Variants in SIPA1L2 observed in about 807,000 individuals in gnomAD.
The protein encoded by SIPA1L2 is signal induced proliferation associated 1 like 2.
SIPA1L2 carries 56 observed loss-of-function variants against 163.9 expected under a neutral mutation model. That is an observed-to-expected ratio of 0.34 (90% CI 0.28 to 0.43). The LOEUF is 0.43. Ranked by LOEUF, SIPA1L2 falls within the 20% of genes least tolerant of loss-of-function variation. The pLI, the probability that SIPA1L2 is intolerant of heterozygous loss-of-function variation, is 1.00. For synonymous variants in SIPA1L2, 877 were observed against 865.7 expected (o/e 1.01, Z -0.23); for missense variants, 1,974 against 2,193.5 (o/e 0.90, Z 2.00).
intron 15 of SIPA1L2, among the ~76,000 whole-genome samples, chr1:232,433,178 G>A (rs772767769): frequency 1.6e-4 from 25 of 152,136 alleles, no homozygotes; most frequent in Admixed American, 1.2e-3. Flanking sequence ...AAGGATATTC[G>A]ATTAATAACT....
chr1:232,562,054 C>T (rs796877), intron 2 of SIPA1L2, among the ~76,000 whole-genome samples: 22,389 of 152,132 alleles, frequency 0.15, 3,017 homozygotes, highest in East Asian at 0.55. Context: ...GTTGCTGAGA[C>T]CACCAACAAA....
intron 10 of SIPA1L2, among the ~76,000 whole-genome samples, chr1:232,449,962 G>C (rs1339353990): frequency 6.6e-6 from 1 of 152,194 alleles, no homozygotes; most frequent in Admixed American, 6.5e-5. Context: ...GCTTGGGACA[G>C]AGAAAGAGAA....
chr1:232,531,789 G>T (rs1656966493), intron 2 of SIPA1L2, among the ~76,000 whole-genome samples: 1 of 152,156 alleles, frequency 6.6e-6, no homozygotes, highest in African/African-American at 2.4e-5. Context: ...GCCGGTATGG[G>T]CGTTAACGGA....
rs745341274 is a variant in SIPA1L2 at position 232,445,561 on chromosome 1, G to A, written c.3321C>T (p.Thr1107=). 5 of 1,613,996 alleles carry A rather than the reference G, an allele frequency of 3.1e-6. No individual in the cohort carries two copies. The East Asian group carries it at 8.9e-5, about 29-fold the overall frequency. The change falls in exon 11 of 23, where the codon ACC becomes ACT. Residue 1107 remains threonine, a synonymous_variant. Transcript: ENST00000674635. ...QQAQAAIPRS[T]SFDRKLPDGT... Reference sequence around the variant, plus strand: ...CATCGGGCAGCTTCCGGTCGAAGGAGGTGCTTCGAGGAATGGCAGCCTGGG... The same window carrying A: ...CATCGGGCAGCTTCCGGTCGAAGGAAGTGCTTCGAGGAATGGCAGCCTGGG...
intron 18 of SIPA1L2, among the ~76,000 whole-genome samples, chr1:232,423,107 T>G (rs1473558857): frequency 6.6e-6 from 1 of 152,176 alleles, no homozygotes; most frequent in Non-Finnish European, 1.5e-5. Context: ...ACGCACGAGA[T>G]TCCATGGGTA....
intron 2 of SIPA1L2, among the ~76,000 whole-genome samples, chr1:232,538,835 C>G (rs757270692): frequency 9.2e-5 from 14 of 152,206 alleles, no homozygotes; most frequent in Non-Finnish European, 1.8e-4. Context: ...GGTGGGTGAG[C>G]TGACTCACCA....
At chr1:232,537,688 T>C (rs1261134599) in intron 2 of SIPA1L2, among the ~76,000 whole-genome samples, 2 of 152,198 alleles carry the variant, frequency 1.3e-5, no homozygotes, top group African/African-American at 4.8e-5. Flanking sequence ...TACTAGACCA[T>C]GTGTAGACAT....
At chr1:232,400,347 C>A (rs975348099) in intron 22 of SIPA1L2, among the ~76,000 whole-genome samples, 2 of 152,188 alleles carry the variant, frequency 1.3e-5, no homozygotes, top group Non-Finnish European at 2.9e-5. Context: ...CACATCCCTG[C>A]AAACCTTTTA....
chr1:232,563,965 G>A (rs1280076962), intron 2 of SIPA1L2, among the ~76,000 whole-genome samples: 1 of 125,060 alleles, frequency 8.0e-6, no homozygotes, highest in Non-Finnish European at 1.6e-5. Flanking sequence ...TCGTGTGTGT[G>A]TGTGTGTGTG....
rs191943346 is a variant in SIPA1L2, at chr1:232,544,262, T to C, written c.-269-28654A>G. Among the ~76,000 whole-genome samples, 45 of 152,268 alleles carry C rather than the reference T, an allele frequency of 3.0e-4. No individual in the cohort carries two copies. In the East Asian group the frequency reaches 6.0e-3, roughly 20 times the overall value. On this transcript the variant is annotated intron_variant, in intron 2 of 22. Transcript: ENST00000674635. Reference sequence around the variant, plus strand: ...CGATTTAATGGCTATAATGACTTTCTAATACAAAAGTGCTAGCGGCCGGGC... The same window carrying C: ...CGATTTAATGGCTATAATGACTTTCCAATACAAAAGTGCTAGCGGCCGGGC...
At chr1:232,579,917 C>CCAGA (rs1263234348) in intron 1 of SIPA1L2, among the ~76,000 whole-genome samples, 1 of 152,096 alleles carries the variant, frequency 6.6e-6, no homozygotes, top group Non-Finnish European at 1.5e-5. Context: ...GGATCCCGAT[C>CCAGA]CAGACCCCAG....
intron 2 of SIPA1L2, among the ~76,000 whole-genome samples, chr1:232,538,095 C>T (rs1310729659): frequency 6.6e-6 from 1 of 152,190 alleles, no homozygotes; most frequent in Non-Finnish European, 1.5e-5. Context: ...ACATTGGTTA[C>T]ACAGAAACAA....
chr1:232,424,476 T>C (rs1295233230), intron 18 of SIPA1L2, among the ~76,000 whole-genome samples: 4 of 149,210 alleles, frequency 2.7e-5, no homozygotes, highest in African/African-American at 9.9e-5. Flanking sequence ...TGCAGGAAAA[T>C]AGAGGTTCAT....
chr1:232,471,646 G>A (rs899766656), intron 7 of SIPA1L2, 118 bp from the exon 8 acceptor site: 1 of 958,392 alleles, frequency 1.0e-6, no homozygotes, highest in Non-Finnish European at 1.4e-6. Context: ...TCATTCTTTG[G>A]AAGTCAGTGC....
At chr1:232,469,390 T>C (rs1664688041) in intron 8 of SIPA1L2, among the ~76,000 whole-genome samples, 1 of 152,188 alleles carries the variant, frequency 6.6e-6, no homozygotes, top group Non-Finnish European at 1.5e-5. Context: ...ATAAGGTGTT[T>C]TTAGAAAATG....
chr1:232,534,206 A>T (rs1363776466), intron 2 of SIPA1L2, among the ~76,000 whole-genome samples: 1 of 152,206 alleles, frequency 6.6e-6, no homozygotes, highest in Non-Finnish European at 1.5e-5. Context: ...AGACCAATGG[A>T]ATAGAAGAGA....
chr1:232,412,416 T>C (rs1661010952), intron 19 of SIPA1L2, among the ~76,000 whole-genome samples: 1 of 152,240 alleles, frequency 6.6e-6, no homozygotes, highest in South Asian at 2.1e-4. Flanking sequence ...TTGAACTGCC[T>C]TTGTTAGTTT....
At chr1:232,508,852 G>C (rs959736433) in intron 3 of SIPA1L2, among the ~76,000 whole-genome samples, 1 of 152,238 alleles carries the variant, frequency 6.6e-6, no homozygotes, top group African/African-American at 2.4e-5. Context: ...AGCACTCTGG[G>C]AGGCTGAGGT....
At chr1:232,627,941 C>T (rs1663169446) in intron 1 of SIPA1L2, among the ~76,000 whole-genome samples, 1 of 152,170 alleles carries the variant, frequency 6.6e-6, no homozygotes, top group Non-Finnish European at 1.5e-5. Flanking sequence ...TTTCCTTCAG[C>T]TATTTATGAA....
Sources: allele counts gnomAD v4.1 joint callset (sites outside exome capture counted in the v4.1 genomes callset), GRCh38; gene constraint gnomAD v4.1.1; transcripts MANE v1.5; gene names NCBI Gene and HGNC (gene_info 2026-07-23, HGNC 2026-07-21).